Variants in EYS observed in about 807,000 individuals in gnomAD.
EYS encodes protein eyes shut homolog.
In EYS, 250 loss-of-function variants were observed where a neutral mutation model predicts 282.1. The ratio of observed to expected loss-of-function variants is 0.89; its 90% CI spans 0.80 to 0.98. The LOEUF (loss-of-function observed/expected upper bound fraction) is 0.98, where lower values mean the gene tolerates loss of function less well. Ranked by LOEUF, EYS falls within the 50% of genes least tolerant of loss-of-function variation. EYS has a pLI of 0.00. For synonymous variants in EYS, 1,355 were observed against 1,282.9 expected, an observed-to-expected ratio of 1.06 and a Z score of -1.20; for missense variants, 4,016 against 3,709.0, an observed-to-expected ratio of 1.08 and a Z score of -2.15.
chr6:65,411,961 C>G (rs1434453447), intron 5 of EYS, among the ~76,000 whole-genome samples: 3 of 151,684 alleles, frequency 2.0e-5, no homozygotes, highest in Non-Finnish European at 4.4e-5. Context: ...AATTTGTGTC[C>G]CCCACATATT....
intron 11 of EYS, chr6:65,332,224 A>G (rs1001598899): frequency 3.8e-5 from 22 of 585,288 alleles, no homozygotes; most frequent in African/African-American, 3.8e-4. Context: ...ATTCTGTAAT[A>G]CAATTTTTTT....
intron 30 of EYS, among the ~76,000 whole-genome samples, chr6:64,237,403 T>C (rs9344908): frequency 0.32 from 48,235 of 151,984 alleles, 7,648 homozygotes; most frequent in East Asian, 0.51. Context: ...TATCAAATGT[T>C]ATAGCTATAA....
At chr6:65,681,818 T>C (rs565817618) in intron 1 of EYS, among the ~76,000 whole-genome samples, 2 of 152,050 alleles carry the variant, frequency 1.3e-5, no homozygotes, top group East Asian at 3.9e-4. Context: ...AGCCTCTTGC[T>C]AGTTTTATAG....
intron 2 of EYS, among the ~76,000 whole-genome samples, chr6:65,615,696 AG>A (rs1204634258): frequency 6.6e-6 from 1 of 152,050 alleles, no homozygotes; most frequent in African/African-American, 2.4e-5. Context: ...GCACTTTGGG[AG>A]GCCAAGGCGG....
rs1582140331 is a variant in EYS, at chr6:63,721,441, C to A, written c.8590G>T (p.Gly2864Ter). The part of the protein sequence containing the change: ...NNQELQLTEF[G>*]AKGGSNVGDC... ...CCTACATTTGAGCCACCTTTTGCTC[C>A]AAATTCAGTTAATTGTAATTCTTGA... Residue 2864 changes from glycine to a stop codon, truncating the protein, a stop_gained, in exon 43 of 43, where the codon GGA (glycine) becomes TGA (stop). Transcript: ENST00000503581. LOFTEE classifies it low-confidence loss of function (END_TRUNC). 1 of 1,551,620 alleles carries A rather than the reference C, an allele frequency of 6.4e-7. No homozygotes were observed. The highest frequency in any genetic ancestry group is 8.7e-7 in the Non-Finnish European group (1 of 1,146,920).
At chr6:64,342,823 G>C (rs1561940811) in intron 29 of EYS, among the ~76,000 whole-genome samples, 1 of 152,074 alleles carries the variant, frequency 6.6e-6, no homozygotes, top group African/African-American at 2.4e-5. Flanking sequence ...CTCACGTGCA[G>C]AGACACACAT....
intron 5 of EYS, among the ~76,000 whole-genome samples, chr6:65,483,844 G>A (rs1245128118): frequency 6.6e-6 from 1 of 152,102 alleles, no homozygotes; most frequent in Admixed American, 6.6e-5. Context: ...CATCTTACAT[G>A]GATGGCAGCA....
chr6:65,330,106 T>C, intron 11 of EYS: 1 of 981,840 alleles, frequency 1.0e-6, no homozygotes, highest in Non-Finnish European at 1.2e-6. Flanking sequence ...CTTTAGTACT[T>C]TAAAAATGTG....
intron 21 of EYS, among the ~76,000 whole-genome samples, chr6:64,820,692 G>A (rs944236838): frequency 4.6e-5 from 7 of 152,046 alleles, no homozygotes; most frequent in Admixed American, 2.6e-4. Flanking sequence ...TTATTGAATA[G>A]TCAAAACATA....
chr6:64,472,268 A>C (rs1776142929), intron 26 of EYS, among the ~76,000 whole-genome samples: 1 of 152,158 alleles, frequency 6.6e-6, no homozygotes, highest in Admixed American at 6.6e-5. Context: ...CATTTTTATC[A>C]TTTTGTTTGA....
intron 12 of EYS, among the ~76,000 whole-genome samples, chr6:65,178,146 T>C (rs190428055): frequency 3.9e-4 from 60 of 152,006 alleles, no homozygotes; most frequent in African/African-American, 1.4e-3. Context: ...CCAGCTCACA[T>C]GCACCCAAGC....
intron 9 of EYS, among the ~76,000 whole-genome samples, chr6:65,346,516 G>A (rs531914935): frequency 2.3e-4 from 35 of 151,254 alleles, no homozygotes; most frequent in African/African-American, 8.2e-4. Context: ...AACTCATTTT[G>A]AGATATTCAA....
intron 15 of EYS, among the ~76,000 whole-genome samples, chr6:64,932,063 A>C (rs953930481): frequency 3.9e-5 from 6 of 152,258 alleles, no homozygotes; most frequent in African/African-American, 7.2e-5. Context: ...AAATGAACTA[A>C]AGGCTTGAAA....
At chr6:64,409,983 C>A (rs898763585) in intron 28 of EYS, among the ~76,000 whole-genome samples, 1 of 151,958 alleles carries the variant, frequency 6.6e-6, no homozygotes. Flanking sequence ...CCAGCACTAC[C>A]TTTAAAAGTA....
At chr6:64,792,330 C>A (rs1055267538) in intron 22 of EYS, among the ~76,000 whole-genome samples, 1 of 151,896 alleles carries the variant, frequency 6.6e-6, no homozygotes, top group African/African-American at 2.4e-5. Context: ...CATATATTTA[C>A]AATCCAAATA....
At chr6:63,906,924 T>A (rs553931505) in intron 35 of EYS, among the ~76,000 whole-genome samples, 1 of 151,432 alleles carries the variant, frequency 6.6e-6, no homozygotes, top group Non-Finnish European at 1.5e-5. Flanking sequence ...AAAAAGGACC[T>A]GGAGGGGAGC....
chr6:65,295,845 A>T lies in EYS; in HGVS notation c.2023+18T>A. 7.7e-7 allele frequency: 1 copy of T among 1,298,600 alleles called. No individual in the cohort carries two copies. Among genetic ancestry groups the T allele is most frequent in the Non-Finnish European group, 1.0e-6 (1 of 956,740 alleles). 80.4% of individuals were successfully genotyped at this position (1,298,600 alleles called of 1,614,324 possible). A position where few individuals can be genotyped will look rare whatever the true frequency, so the allele number is the denominator to read the frequency against. Reference sequence around the variant, plus strand: ...TATTTACTAGAAAATTTAATTTATCAGGAAAAAAAAAACTTGCCTTTAAAT... The same window carrying T: ...TATTTACTAGAAAATTTAATTTATCTGGAAAAAAAAAACTTGCCTTTAAAT... On this transcript the variant is annotated intron_variant, in intron 12 of 42. Coordinates refer to ENST00000503581, the MANE Select transcript of EYS (RefSeq NM_001142800.2).
intron 5 of EYS, among the ~76,000 whole-genome samples, chr6:65,443,204 T>C (rs936453043): frequency 9.9e-5 from 15 of 151,810 alleles, no homozygotes; most frequent in Non-Finnish European, 2.1e-4. Flanking sequence ...TGCGCACATA[T>C]ATGTATGCAT....
intron 28 of EYS, among the ~76,000 whole-genome samples, chr6:64,423,084 T>C (rs1254459773): frequency 6.6e-6 from 1 of 152,188 alleles, no homozygotes; most frequent in Non-Finnish European, 1.5e-5. Context: ...TCAGTAAGGA[T>C]TTACTGATTT....
Sources: allele counts gnomAD v4.1 joint callset (sites outside exome capture counted in the v4.1 genomes callset), GRCh38; gene constraint gnomAD v4.1.1; transcripts MANE v1.5; gene names NCBI Gene and HGNC (gene_info 2026-07-23, HGNC 2026-07-21).